SHPRH: variants seen among roughly 807,000 people sequenced by gnomAD.
SHPRH encodes the protein SNF2 histone linker PHD RING helicase, also known as E3 ubiquitin-protein ligase SHPRH.
Under a neutral mutation model 202.5 loss-of-function variants are expected in SHPRH, and 106 were observed. That is an observed-to-expected ratio of 0.52 (90% CI 0.45 to 0.62). The LOEUF is 0.62. Among genes scored for constraint, SHPRH ranks in the 20% least tolerant of loss-of-function variants. The pLI is 0.00. For synonymous variants in SHPRH, 729 were observed against 686.0 expected (o/e 1.06, Z -0.98); for missense variants, 1,710 against 2,020.0 (o/e 0.85, Z 2.94).
At chr6:145,954,626 T>A (rs1436798197) in intron 2 of SHPRH, 64 bp downstream of exon 2, 1 of 1,493,074 alleles carries the variant, frequency 6.7e-7, no homozygotes, top group Non-Finnish European at 9.0e-7. Flanking sequence ...TCTCACAAGT[T>A]AATTTAAAAT....
chr6:145,887,533 G>GTTT (rs1220167063), intron 29 of SHPRH, among the ~76,000 whole-genome samples: 29 of 131,106 alleles, frequency 2.2e-4, no homozygotes, highest in East Asian at 6.8e-4. Flanking sequence ...TAACAAGTTT[G>GTTT]TTTTTTTTTT....
chr6:145,937,264 G>GT (rs1209718679), intron 11 of SHPRH, among the ~76,000 whole-genome samples: 2 of 152,220 alleles, frequency 1.3e-5, no homozygotes, highest in East Asian at 3.9e-4. Flanking sequence ...GATTAGAAGT[G>GT]TGAGCCACTG....
chr6:145,878,350 G>A (rs1780397525), intron 2 of SHPRH, among the ~76,000 whole-genome samples: 1 of 152,086 alleles, frequency 6.6e-6, no homozygotes, highest in Non-Finnish European at 1.5e-5. Context: ...TTTTGGTGTT[G>A]TACATTCTAT....
chr6:145,873,713 A>AAGGAAGGG (rs1780164548), intron 2 of SHPRH, among the ~76,000 whole-genome samples: 1 of 87,922 alleles, frequency 1.1e-5, no homozygotes, highest in African/African-American at 5.5e-5. Context: ...GGAAGGAAGG[A>AAGGAAGGG]AGGGAGGGAG....
At chr6:145,891,134 C>G (rs542983418) in intron 28 of SHPRH, among the ~76,000 whole-genome samples, 1 of 152,238 alleles carries the variant, frequency 6.6e-6, no homozygotes, top group African/African-American at 2.4e-5. Flanking sequence ...CGATTTCACA[C>G]AGGGCAAAAG....
chr6:145,944,604 T>G (rs1244607098), intron 8 of SHPRH, among the ~76,000 whole-genome samples: 1 of 152,038 alleles, frequency 6.6e-6, no homozygotes, highest in Non-Finnish European at 1.5e-5. Context: ...AGTTCACTGC[T>G]GTCTTCAGTG....
intron 10 of SHPRH, 75 bp from the exon 11 acceptor site, chr6:145,940,876 A>C (rs1306150328): frequency 1.9e-4 from 274 of 1,439,802 alleles, no homozygotes; most frequent in Non-Finnish European, 2.4e-4. Context: ...AGGCATACTC[A>C]TGAAAAACAG....
intron 28 of SHPRH, among the ~76,000 whole-genome samples, chr6:145,889,090 G>A (rs990158914): frequency 1.3e-5 from 2 of 152,114 alleles, no homozygotes; most frequent in Non-Finnish European, 2.9e-5. Flanking sequence ...AGAGATATGT[G>A]TGCAGAGCTA....
In SHPRH at chr6:145,955,122, G is replaced by A. The variant is rs767420397; in HGVS notation, c.201C>T (p.His67=). 10 of 1,613,408 alleles carry A rather than the reference G, an allele frequency of 6.2e-6. No homozygotes were observed. The highest frequency in any genetic ancestry group is 3.4e-6 in the Non-Finnish European group (4 of 1,179,912). Residue 67 remains histidine (H), a synonymous_variant, in exon 2 of 30, where the codon CAC becomes CAT. Coordinates refer to ENST00000275233, the MANE Select transcript of SHPRH (RefSeq NM_001042683.3). ...CTTTTGAACACCTCTTCTTATCTCT[G>A]TGAGCCACTTCTTCCTTTAGACTAT... ...LSDSLKEEVA[H]RDKKRCSKVV... is the part of the protein sequence containing the mutation.
chr6:145,934,884 T>TA (rs756438838), intron 13 of SHPRH, 23 bp downstream of exon 13: 21 of 1,577,032 alleles, frequency 1.3e-5, no homozygotes, highest in Admixed American at 5.3e-5. Flanking sequence ...CAACTGCAAT[T>TA]AAAAAAAAGT....
intron 25 of SHPRH, chr6:145,903,180 AT>A (rs1327167376): frequency 6.6e-6 from 1 of 151,872 alleles, no homozygotes; most frequent in East Asian, 1.9e-4. Context: ...ATATTTAAAT[AT>A]AATCACTTCT....
Position 145,943,529 on chromosome 6 carries a change from T to A in SHPRH, c.1852A>T (p.Thr618Ser). The A allele has an allele frequency of 3.1e-6, 5 of 1,614,052 alleles. No homozygotes were observed. Among genetic ancestry groups the A allele is most frequent in the Non-Finnish European group, 4.2e-6 (5 of 1,179,956 alleles). Residue 618 changes from threonine to serine, a missense_variant, in exon 9 of 30, where the codon ACA becomes TCA. Thr to Ser is a moderately conservative substitution (Grantham distance 58). Around this residue, in one of 8 missense-constraint regions of SHPRH, gnomAD observed 348 missense variants for 356.9 expected, o/e 0.97. Transcript: ENST00000275233. Reference protein sequence around the residue: ...GITDVAMSKSTCISEFNQEHE... With the variant: ...GITDVAMSKSSCISEFNQEHE... ...TCTTGGTTGAATTCAGAGATACATGTACTTTTAGACATAGCAACATCAGTT... is the reference window on the plus strand; with the variant it reads ...TCTTGGTTGAATTCAGAGATACATGAACTTTTAGACATAGCAACATCAGTT...
chr6:145,910,426 A>G lies in SHPRH; in HGVS notation c.4515+22T>C, dbSNP rs533626739. The G allele has an allele frequency of 2.3e-4, 378 of 1,610,842 alleles. 2 individuals carry two copies. In the East Asian group the frequency reaches 6.3e-3, roughly 27 times the overall value. Reference sequence around the variant, plus strand: ...ATTATATTGCCTTACCTATGCTTCTATGTGTTCCTGACCTACTTTACCTTC... The same window carrying G: ...ATTATATTGCCTTACCTATGCTTCTGTGTGTTCCTGACCTACTTTACCTTC... On this transcript the variant is annotated intron_variant, in intron 25 of 29. Coordinates refer to ENST00000275233, the MANE Select transcript of SHPRH (RefSeq NM_001042683.3).
At chr6:145,880,528 T>C (rs992498675), downstream of SHPRH, among the ~76,000 whole-genome samples, 2 of 151,450 alleles carry the variant, frequency 1.3e-5, no homozygotes, top group African/African-American at 2.4e-5. Context: ...ACCTGGGAGA[T>C]TGAGGTGGGA....
chr6:145,935,799 T>C (rs984379236), intron 11 of SHPRH: 7 of 167,656 alleles, frequency 4.2e-5, no homozygotes, highest in East Asian at 1.7e-4. Flanking sequence ...CTGAAACCAA[T>C]AGATGCAAGA....
At chr6:145,914,341 T>C (rs1425463577) in intron 23 of SHPRH, among the ~76,000 whole-genome samples, 1 of 152,186 alleles carries the variant, frequency 6.6e-6, no homozygotes, top group Non-Finnish European at 1.5e-5. Context: ...GGGTCATTGC[T>C]GTAGCACTTT....
chr6:145,948,266 C>A lies in SHPRH; in HGVS notation c.1061+6G>T. On this transcript the variant is annotated splice_donor_region_variant and intron_variant, in intron 5 of 29. Transcript: ENST00000275233. ...AATCAAGCATATAAGTAAAATTTTG[C>A]CTTACCAGCCTGTATATGGATTATA... is the stretch of plus-strand genomic sequence containing the variant. 2 of 1,550,312 alleles carry A rather than the reference C, an allele frequency of 1.3e-6. No individual in the cohort carries two copies. Among genetic ancestry groups the A allele is most frequent in the South Asian group, 1.3e-5 (1 of 76,610 alleles).
At chr6:145,860,276 T>C (rs1779536323), downstream of SHPRH, among the ~76,000 whole-genome samples, 1 of 151,956 alleles carries the variant, frequency 6.6e-6, no homozygotes, top group Admixed American at 6.6e-5. Context: ...AAAAAACTGT[T>C]AGAACTAATA....
chr6:145,890,964 T>C (rs147340782), intron 28 of SHPRH, among the ~76,000 whole-genome samples: 446 of 152,250 alleles, frequency 2.9e-3, no homozygotes, highest in African/African-American at 0.01. Flanking sequence ...CAGGTCACCT[T>C]CAGCTCTCAC....
Sources: gnomAD v4.1 joint callset for allele counts (sites outside exome capture counted in the v4.1 genomes callset) on GRCh38, gnomAD v4.1.1 for gene constraint, gnomAD v4.1.1 regional missense constraint, MANE v1.5 for transcripts, NCBI Gene and HGNC (gene_info 2026-07-23, HGNC 2026-07-21) for gene names.